The following DPY19L3 variants were observed in gnomAD, a reference collection of about 807,000 sequenced individuals.
DPY19L3 encodes protein C-mannosyl-transferase DPY19L3.
DPY19L3 carries 51 observed loss-of-function variants against 92.3 expected under a neutral mutation model. The observed-to-expected ratio is 0.55, with a 90% confidence interval of 0.44 to 0.70. The LOEUF (loss-of-function observed/expected upper bound fraction) is 0.70, where lower values mean the gene tolerates loss of function less well. DPY19L3 is among the 30% of genes least tolerant of loss of function. The pLI is 0.00. For synonymous variants in DPY19L3, 309 were observed against 315.2 expected (o/e 0.98, Z 0.21); for missense variants, 706 against 855.9 (o/e 0.82, Z 2.18).
At chr19:32,455,114 T>A in intron 10 of DPY19L3, 74 bp downstream of exon 10, 1 of 1,026,404 alleles carries the variant, frequency 9.7e-7, no homozygotes, top group Non-Finnish European at 1.4e-6. Flanking sequence ...TTTGAAACTT[T>A]CTTTTTCTTT....
In DPY19L3 at chr19:32,408,344, A is replaced by G. The variant is rs1430612342; in HGVS notation, c.91A>G (p.Lys31Glu). 6.2e-7 allele frequency: 1 copy of G among 1,613,362 alleles called. No individual in the cohort carries two copies. Among genetic ancestry groups the G allele is most frequent in the Non-Finnish European group, 8.5e-7 (1 of 1,179,604 alleles). ...AGAAGAAAATGTGAAGTTGGAAAAT[A>G]AATTGCCATCTGGTAGGTGATTTAA... The part of the protein sequence containing the change: ...AQEENVKLEN[K>E]LPSGCTSRRL... The change falls in exon 2 of 19, where the codon AAA (lysine) becomes GAA (glutamate). Residue 31 changes from lysine to glutamate, a missense_variant. Lys to Glu is a moderately conservative substitution (Grantham distance 56). Coordinates refer to ENST00000392250, the MANE Select transcript of DPY19L3 (RefSeq NM_001172774.2).
At chr19:32,468,689 G>A in intron 15 of DPY19L3, 42 bp from the exon 16 acceptor site, 1 of 1,609,752 alleles carries the variant, frequency 6.2e-7, no homozygotes, top group Admixed American at 1.7e-5. Context: ...TGTGGGTGTA[G>A]GGGTGGATTT....
chr19:32,445,493 A>ATGTC (rs1969469087), intron 8 of DPY19L3, among the ~76,000 whole-genome samples: 1 of 148,632 alleles, frequency 6.7e-6, no homozygotes, highest in Non-Finnish European at 1.5e-5. Flanking sequence ...CCTAGTTAAA[A>ATGTC]TGTCCTTCAG....
Position 32,482,179 on chromosome 19 carries a change from A to G in DPY19L3, c.2090A>G (p.Tyr697Cys), listed in dbSNP as rs543031193. 9.3e-6 allele frequency: 15 copies of G among 1,613,884 alleles called. No individual in the cohort carries two copies. The highest frequency in any genetic ancestry group is 1.3e-5 in the African/African-American group (1 of 75,014). The change falls in exon 19 of 19, where the codon TAC (tyrosine) becomes TGC (cysteine). Residue 697 changes from tyrosine (Y) to cysteine (C), a missense_variant. Coordinates refer to ENST00000392250, the MANE Select transcript of DPY19L3 (RefSeq NM_001172774.2). ...AGAAACCTGCCTCCCTACGTGGCCT[A>G]CTTCACCAGAGTGTTCCAGAACAAA... ...IKRNLPPYVA[Y>C]FTRVFQNKTF...
chr19:32,411,110 G>A (rs1326190836), intron 2 of DPY19L3, 129 bp from the exon 3 acceptor site: 9 of 902,658 alleles, frequency 1.0e-5, no homozygotes, highest in African/African-American at 3.4e-5. Context: ...AGGACCCTCC[G>A]CTGGAGACAG....
chr19:32,432,907 C>T (rs367793240), intron 4 of DPY19L3, 101 bp downstream of exon 4: 2 of 910,916 alleles, frequency 2.2e-6, no homozygotes, highest in African/African-American at 1.7e-5. Flanking sequence ...CTCTCTAGAA[C>T]ATGTGTATTT....
intron 8 of DPY19L3, among the ~76,000 whole-genome samples, chr19:32,444,103 ACAAT>A (rs1351503218): frequency 2.0e-5 from 3 of 152,048 alleles, no homozygotes; most frequent in Non-Finnish European, 4.4e-5. Flanking sequence ...GTGAAAAGAG[ACAAT>A]CAATAGATGC....
intron 8 of DPY19L3, among the ~76,000 whole-genome samples, chr19:32,452,757 A>G (rs1014025308): frequency 3.3e-5 from 5 of 151,830 alleles, no homozygotes; most frequent in Non-Finnish European, 5.9e-5. Flanking sequence ...GTAGTGGCGC[A>G]TTCTCGGCTC....
chr19:32,449,853 G>C (rs1387375378), intron 8 of DPY19L3, among the ~76,000 whole-genome samples: 5 of 152,254 alleles, frequency 3.3e-5, no homozygotes, highest in Admixed American at 6.5e-5. Context: ...CCTTGGAGTA[G>C]CACAAACCTT....
chr19:32,408,497 G>C, intron 2 of DPY19L3, 141 bp downstream of exon 2: 1 of 624,924 alleles, frequency 1.6e-6, no homozygotes, highest in Non-Finnish European at 2.8e-6. Context: ...ATTGCAATTT[G>C]ATTAGATTGA....
chr19:32,450,179 C>T (rs989234749), intron 8 of DPY19L3, among the ~76,000 whole-genome samples: 2 of 152,146 alleles, frequency 1.3e-5, no homozygotes, highest in Non-Finnish European at 2.9e-5. Context: ...ATCAAAACCA[C>T]AAGCAGATAC....
At chr19:32,434,737 A>ATCCAGCCT (rs1969082425) in intron 4 of DPY19L3, among the ~76,000 whole-genome samples, 1 of 152,262 alleles carries the variant, frequency 6.6e-6, no homozygotes, top group Non-Finnish European at 1.5e-5. Context: ...TTTTCTCACA[A>ATCCAGCCT]TTCAGGAGGC....
chr19:32,479,423 A>G (rs138829258), intron 17 of DPY19L3, among the ~76,000 whole-genome samples: 283 of 152,106 alleles, frequency 1.9e-3, no homozygotes, highest in African/African-American at 6.6e-3. Flanking sequence ...GGCCCCACAC[A>G]CTGACATCCT....
At chr19:32,430,391 AT>A (rs1490350284) in intron 3 of DPY19L3, among the ~76,000 whole-genome samples, 1 of 152,108 alleles carries the variant, frequency 6.6e-6, no homozygotes, top group Non-Finnish European at 1.5e-5. Context: ...CCAAAAAAAA[AT>A]AAATAAATTT....
At chr19:32,460,273 C>T (rs1212180988) in intron 12 of DPY19L3, among the ~76,000 whole-genome samples, 4 of 151,986 alleles carry the variant, frequency 2.6e-5, no homozygotes, top group South Asian at 2.1e-4. Context: ...TAGCCAGGCA[C>T]GATGGTGCAA....
At chr19:32,435,377 T>G (rs1969105385) in intron 4 of DPY19L3, among the ~76,000 whole-genome samples, 2 of 152,202 alleles carry the variant, frequency 1.3e-5, no homozygotes, top group South Asian at 4.1e-4. Flanking sequence ...ACATCTGGGT[T>G]GTTTTGGATC....
At position 32,480,497 on chromosome 19, in the gene DPY19L3, C is replaced by T. The variant is rs750553679; in HGVS notation, c.1929C>T (p.Tyr643=). ...TAATCCTGGAAGACAGCATCTGCTA[C>T]GAGCGGAGGCACCGCCGGGGCTGCC... ...DYVILEDSIC[Y]ERRHRRGCRL... The change falls in exon 18 of 19, where the codon TAC becomes TAT. Residue 643 remains tyrosine (Y), a synonymous_variant. Coordinates refer to ENST00000392250, the MANE Select transcript of DPY19L3 (RefSeq NM_001172774.2). 10 of 1,614,106 alleles carry T rather than the reference C, an allele frequency of 6.2e-6. No individual in the cohort carries two copies. The highest frequency in any genetic ancestry group is 2.2e-5 in the East Asian group (1 of 44,892).
intron 3 of DPY19L3, among the ~76,000 whole-genome samples, chr19:32,430,912 C>G (rs1968944493): frequency 6.6e-6 from 1 of 151,696 alleles, no homozygotes; most frequent in Admixed American, 6.6e-5. Context: ...TAGGCATGAG[C>G]CACCGCACCC....
At chr19:32,431,008 T>G (rs563701334) in intron 3 of DPY19L3, among the ~76,000 whole-genome samples, 1 of 152,202 alleles carries the variant, frequency 6.6e-6, no homozygotes, top group Admixed American at 6.5e-5. Flanking sequence ...CTAAAAGAAG[T>G]TCATCAGCTA....
Sources: gnomAD v4.1 joint callset for allele counts (sites outside exome capture counted in the v4.1 genomes callset) on GRCh38, gnomAD v4.1.1 for gene constraint, MANE v1.5 for transcripts, NCBI Gene and HGNC (gene_info 2026-07-23, HGNC 2026-07-21) for gene names.